Variants in KAZN observed in about 807,000 individuals in gnomAD.
KAZN encodes kazrin.
Under a neutral mutation model 87.4 loss-of-function variants are expected in KAZN, and 40 were observed. The ratio of observed to expected loss-of-function variants is 0.46; its 90% confidence interval spans 0.36 to 0.60. KAZN has a LOEUF of 0.60. KAZN is among the 20% of genes least tolerant of loss of function. The pLI, the probability that KAZN is intolerant of heterozygous loss-of-function variation, is 0.00. For synonymous variants in KAZN, 466 were observed against 458.3 expected, an observed-to-expected ratio of 1.02 and a Z score of -0.22; for missense variants, 898 against 1,073.9, an observed-to-expected ratio of 0.84 and a Z score of 2.29.
rs140429640 is a variant in KAZN at position 14,332,457 on chromosome 1, C to T, written c.249+151865C>T. On this transcript the variant is annotated intron_variant, in intron 2 of 16. Transcript: ENST00000636203. Reference sequence around the variant, plus strand: ...CAAGCGCACGATGGCCTCAGAGGCTCTGATGTTTGACATTTGCTGCCTCTG... The same window carrying T: ...CAAGCGCACGATGGCCTCAGAGGCTTTGATGTTTGACATTTGCTGCCTCTG... Among the ~76,000 whole-genome samples, 1,102 of 152,280 alleles carry T rather than the reference C, an allele frequency of 7.2e-3. 14 individuals carry two copies. Among genetic ancestry groups the T allele is most frequent in the African/African-American group, 0.025 (1,053 of 41,552 alleles).
intron 2 of KAZN, among the ~76,000 whole-genome samples, chr1:14,330,716 T>A (rs1000903714): frequency 4.0e-5 from 6 of 151,834 alleles, no homozygotes; most frequent in East Asian, 1.9e-4. Context: ...TTTCAGAAGA[T>A]CCCAAGCAAC....
chr1:14,216,349 G>T (rs1012985574), intron 2 of KAZN, among the ~76,000 whole-genome samples: 3 of 152,126 alleles, frequency 2.0e-5, no homozygotes, highest in African/African-American at 7.2e-5. Flanking sequence ...GGAATGGTCT[G>T]GGTTTCTTGA....
intron 1 of KAZN, among the ~76,000 whole-genome samples, chr1:14,170,729 T>TA (rs1367774226): frequency 4.2e-5 from 1 of 23,810 alleles, no homozygotes; most frequent in African/African-American, 5.2e-4. Context: ...TCTGTAATTA[T>TA]TTTTTTTTCT....
intron 1 of KAZN, among the ~76,000 whole-genome samples, chr1:14,172,156 A>T (rs1645967687): frequency 6.6e-6 from 1 of 152,192 alleles, no homozygotes; most frequent in Non-Finnish European, 1.5e-5. Context: ...CAACCAACCA[A>T]ATAAACTGGT....
At chr1:15,111,294 T>TGTTGTTGTC (rs1641611644) in intron 13 of KAZN, among the ~76,000 whole-genome samples, 1 of 152,106 alleles carries the variant, frequency 6.6e-6, no homozygotes, top group Non-Finnish European at 1.5e-5. Flanking sequence ...TTGTTGTTGT[T>TGTTGTTGTC]GTTTTAAACA....
chr1:14,382,933 C>A (rs1208731789), intron 2 of KAZN, among the ~76,000 whole-genome samples: 1 of 151,628 alleles, frequency 6.6e-6, no homozygotes, highest in African/African-American at 2.4e-5. Flanking sequence ...ACAGTCCCAC[C>A]AACGGTGTAA....
chr1:14,671,468 C>T (rs920458695), intron 1 of KAZN, among the ~76,000 whole-genome samples: 1 of 151,970 alleles, frequency 6.6e-6, no homozygotes, highest in African/African-American at 2.4e-5. Flanking sequence ...ATCATTCTTT[C>T]ACTCCCCCAT....
intron 2 of KAZN, among the ~76,000 whole-genome samples, chr1:14,304,061 G>A (rs2100789170): frequency 6.6e-6 from 1 of 152,284 alleles, no homozygotes; most frequent in Admixed American, 6.5e-5. Flanking sequence ...TGATGGTGGG[G>A]CTGTCTTGCC....
At chr1:14,523,438 G>A (rs1247952487) in intron 2 of KAZN, among the ~76,000 whole-genome samples, 1 of 152,166 alleles carries the variant, frequency 6.6e-6, no homozygotes, top group Admixed American at 6.5e-5. Context: ...GGAGCTTGTG[G>A]CCTACCAGAG....
chr1:14,595,221 G>A (rs1025525391), upstream of KAZN, among the ~76,000 whole-genome samples: 2 of 152,134 alleles, frequency 1.3e-5, no homozygotes, highest in African/African-American at 2.4e-5. Flanking sequence ...CTTATGGGGG[G>A]GCAGCATCAA....
intron 1 of KAZN, among the ~76,000 whole-genome samples, chr1:14,893,361 G>A (rs949675418): frequency 1.3e-5 from 2 of 151,706 alleles, no homozygotes; most frequent in Non-Finnish European, 2.9e-5. Context: ...GCGAGACTTT[G>A]TTTCAAAAAA....
At chr1:13,956,129 A>C (rs1014629163) in intron 1 of KAZN, among the ~76,000 whole-genome samples, 10 of 152,156 alleles carry the variant, frequency 6.6e-5, no homozygotes, top group Admixed American at 6.6e-4. Flanking sequence ...AACTGAGATA[A>C]TGTTGTTTTG....
intron 4 of KAZN, among the ~76,000 whole-genome samples, chr1:15,048,420 GTA>G (rs1383421075): frequency 3.7e-5 from 5 of 135,852 alleles, no homozygotes; most frequent in South Asian, 2.4e-4. Flanking sequence ...GCATGTGTGT[GTA>G]TGTGTGTGTG....
intron 1 of KAZN, among the ~76,000 whole-genome samples, chr1:14,780,515 C>G (rs1249077170): frequency 6.6e-6 from 1 of 152,206 alleles, no homozygotes; most frequent in East Asian, 1.9e-4. Context: ...CATGTGGGAG[C>G]CTCCGGTTTC....
At chr1:14,006,147 T>C (rs917130576) in intron 1 of KAZN, among the ~76,000 whole-genome samples, 10 of 152,260 alleles carry the variant, frequency 6.6e-5, no homozygotes, top group African/African-American at 2.4e-4. Context: ...GTAAAAAAGC[T>C]GTTTAATTTG....
intron 1 of KAZN, among the ~76,000 whole-genome samples, chr1:14,151,959 A>G (rs1262124019): frequency 6.6e-6 from 1 of 152,246 alleles, no homozygotes; most frequent in Non-Finnish European, 1.5e-5. Flanking sequence ...AATTTAATTC[A>G]TTTATTTCCT....
intron 1 of KAZN, chr1:14,124,240 T>C (rs2101711235): frequency 6.6e-6 from 1 of 152,332 alleles, no homozygotes; most frequent in South Asian, 2.1e-4. Context: ...GAGCAAAACA[T>C]GGGACGCTTC....
intron 2 of KAZN, among the ~76,000 whole-genome samples, chr1:14,392,241 A>T (rs1662504232): frequency 6.6e-6 from 1 of 152,214 alleles, no homozygotes; most frequent in African/African-American, 2.4e-5. Flanking sequence ...TGTCTTTGTC[A>T]AAAGTTTTAG....
At chr1:14,729,679 A>G (rs2050126) in intron 1 of KAZN, among the ~76,000 whole-genome samples, 40,059 of 152,060 alleles carry the variant, frequency 0.26, 5,893 homozygotes, top group South Asian at 0.37. Flanking sequence ...TTTCCTTTGT[A>G]GCAGTCACTG....
Sources: allele counts gnomAD v4.1 joint callset (sites outside exome capture counted in the v4.1 genomes callset), GRCh38; gene constraint gnomAD v4.1.1; transcripts MANE v1.5; gene names NCBI Gene and HGNC (gene_info 2026-07-23, HGNC 2026-07-21).